The following NFS1 variants were observed in gnomAD, a reference collection of about 807,000 sequenced individuals.
NFS1 encodes cysteine desulfurase.
Under a neutral mutation model 57.3 loss-of-function variants are expected in NFS1, and 26 were observed. That is an observed-to-expected ratio of 0.45 (90% CI 0.33 to 0.63). The LOEUF (loss-of-function observed/expected upper bound fraction) is 0.63. NFS1 is among the 20% of genes least tolerant of loss of function. The pLI is 0.02. For missense variants in NFS1, 505 were observed against 605.8 expected (o/e 0.83, Z 1.75); for synonymous variants, 209 against 216.3 (o/e 0.97, Z 0.30).
At chr20:35,694,466 T>C (rs1435873790) in intron 4 of NFS1, 1 of 151,654 alleles carries the variant, frequency 6.6e-6, no homozygotes, top group Non-Finnish European at 1.5e-5. Context: ...TTATAAAAAA[T>C]AAACACATAA....
chr20:35,690,431 A>T lies in NFS1; in HGVS notation c.543T>A (p.Ser181Arg), dbSNP rs2035022866. 6.2e-7 allele frequency: 1 copy of T among 1,612,178 alleles called. No individual in the cohort carries two copies. The highest frequency in any genetic ancestry group is 8.5e-7 in the Non-Finnish European group (1 of 1,179,576). ...FQVTYLPVQKSGIIDLKELEA... is the reference protein window; with the variant it reads ...FQVTYLPVQKRGIIDLKELEA... ...CTCCTACCTTTAGGTCAATGATCCC[A>T]CTCTTCTGCACTGGGAGGTAGGTGA... The change falls in exon 5 of 13, where the codon AGT becomes AGA. Residue 181 changes from serine to arginine, a missense_variant. Transcript: ENST00000374092.
chr20:35,695,796 C>T (rs553023339), intron 4 of NFS1, among the ~76,000 whole-genome samples: 1 of 152,132 alleles, frequency 6.6e-6, no homozygotes, highest in Admixed American at 6.6e-5. Flanking sequence ...AATCCCAGCA[C>T]TTTGGGAGGT....
chr20:35,697,663 C>T (rs2035159920), intron 3 of NFS1, 21 bp downstream of exon 3: 3 of 1,564,588 alleles, frequency 1.9e-6, no homozygotes, highest in Non-Finnish European at 2.6e-6. Context: ...CTTAGAACCT[C>T]CTAGACTCCT....
At chr20:35,697,195 G>C (rs1360309383) in intron 3 of NFS1, among the ~76,000 whole-genome samples, 2 of 151,818 alleles carry the variant, frequency 1.3e-5, no homozygotes, top group Non-Finnish European at 2.9e-5. Context: ...TACTTGGGAG[G>C]CTGAGGCAGC....
At chr20:35,687,354 G>GTT (rs769011435) in intron 5 of NFS1, among the ~76,000 whole-genome samples, 25 of 152,186 alleles carry the variant, frequency 1.6e-4, no homozygotes, top group Admixed American at 1.3e-4. Context: ...TAGCAAATTA[G>GTT]TGAAAGTACT....
At chr20:35,683,576 C>T (rs2034886963) in intron 5 of NFS1, among the ~76,000 whole-genome samples, 1 of 151,602 alleles carries the variant, frequency 6.6e-6, no homozygotes, top group African/African-American at 2.4e-5. Context: ...GTCAAGAGAT[C>T]GAGACCATCC....
chr20:35,693,309 G>A (rs1176500291), intron 4 of NFS1, among the ~76,000 whole-genome samples: 1 of 151,882 alleles, frequency 6.6e-6, no homozygotes, highest in African/African-American at 2.4e-5. Context: ...TTTTGCCCAG[G>A]ATGGTCTCGA....
At chr20:35,680,574 CAAGT>C (rs569024164) in intron 7 of NFS1, among the ~76,000 whole-genome samples, 159 bp downstream of exon 7, 41 of 152,332 alleles carry the variant, frequency 2.7e-4, no homozygotes, top group Non-Finnish European at 4.4e-4. Flanking sequence ...TACAAACAAG[CAAGT>C]GTTTCTGGCT....
At chr20:35,679,631 AC>A (rs1276333725) in intron 7 of NFS1, among the ~76,000 whole-genome samples, 1 of 152,196 alleles carries the variant, frequency 6.6e-6, no homozygotes. Flanking sequence ...CAGAACGCTT[AC>A]TGGGCTTTTT....
In NFS1 at chr20:35,673,598, G is replaced by A; in HGVS notation, c.1220+3C>T. The A allele has an allele frequency of 6.2e-7, 1 of 1,612,472 alleles. No homozygotes were observed. The highest frequency in any genetic ancestry group is 8.5e-7 in the Non-Finnish European group (1 of 1,178,720). On this transcript the variant is annotated splice_donor_region_variant and intron_variant, in intron 11 of 12. Coordinates refer to ENST00000374092, the MANE Select transcript of NFS1 (RefSeq NM_021100.5). ...CATAAATGTTGCAGCTCAACTCACT[G>A]ACCTGATAGAAGAGTGCGCTAAATC...
At chr20:35,697,374 A>G (rs1335720654) in intron 3 of NFS1, among the ~76,000 whole-genome samples, 1 of 152,272 alleles carries the variant, frequency 6.6e-6, no homozygotes, top group East Asian at 1.9e-4. Flanking sequence ...TTGTGGTAAT[A>G]AACACTTTAT....
chr20:35,670,105 C>T (rs1230109631), intron 12 of NFS1, among the ~76,000 whole-genome samples: 1 of 152,214 alleles, frequency 6.6e-6, no homozygotes, highest in Admixed American at 6.5e-5. Context: ...CAGCTCGTTT[C>T]AGCCCACCAC....
At chr20:35,694,501 C>A (rs1291906662) in intron 4 of NFS1, 1 of 151,974 alleles carries the variant, frequency 6.6e-6, no homozygotes, top group African/African-American at 2.4e-5. Flanking sequence ...GAATATTAAA[C>A]CATATAGGAC....
chr20:35,689,237 C>A (rs2034997920), intron 5 of NFS1, among the ~76,000 whole-genome samples: 1 of 152,226 alleles, frequency 6.6e-6, no homozygotes, highest in East Asian at 1.9e-4. Context: ...CCTGTAATCC[C>A]AGCACTCTGG....
At position 35,674,454 on chromosome 20, in the gene NFS1, G is replaced by A. The variant is rs781550284; in HGVS notation, c.1055-23C>T. On this transcript the variant is annotated intron_variant, in intron 9 of 12. Coordinates refer to ENST00000374092, the MANE Select transcript of NFS1 (RefSeq NM_021100.5). ...AGCCTGGAGGAAAGAAATACTGTGA[G>A]AGAGGTCTCAGAGTCTCAGCCTCTA... 3.7e-6 allele frequency: 6 copies of A among 1,612,560 alleles called. No homozygotes were observed. The Admixed American group carries it at 1.0e-4, about 27-fold the overall frequency.
chr20:35,672,174 G>A (rs1481350988), intron 12 of NFS1, among the ~76,000 whole-genome samples: 1 of 151,938 alleles, frequency 6.6e-6, no homozygotes, highest in Non-Finnish European at 1.5e-5. Context: ...TAGCCAGGAT[G>A]GTCTCGATCT....
Position 35,672,848 on chromosome 20 carries a change from A to C in NFS1, c.1221-4T>G. 1 of 1,574,206 alleles carries C rather than the reference A, an allele frequency of 6.4e-7. No homozygotes were observed. On this transcript the variant is annotated splice_region_variant and splice_polypyrimidine_tract_variant and intron_variant, in intron 11 of 12. Coordinates refer to ENST00000374092, the MANE Select transcript of NFS1 (RefSeq NM_021100.5). ...AGTGAAGCGGCCAATTCCAAACCTG[A>C]AAAAAGGCACAGGAGAATGGCTCCC...
intron 5 of NFS1, among the ~76,000 whole-genome samples, chr20:35,688,743 GGGAGGGAGGAAA>G: frequency 6.7e-6 from 1 of 150,028 alleles, no homozygotes; most frequent in South Asian, 2.1e-4. Context: ...GAGAGAGAGA[GGGAGGGAGGAAA>G]AGAGGGAGGG....
chr20:35,684,760 T>A (rs956117032), intron 5 of NFS1, among the ~76,000 whole-genome samples: 4 of 151,302 alleles, frequency 2.6e-5, no homozygotes, highest in Non-Finnish European at 5.9e-5. Flanking sequence ...CAATAAAAAA[T>A]AAATAAAAAA....
Sources: allele counts gnomAD v4.1 joint callset (sites outside exome capture counted in the v4.1 genomes callset), GRCh38; gene constraint gnomAD v4.1.1; transcripts MANE v1.5; gene names NCBI Gene and HGNC (gene_info 2026-07-23, HGNC 2026-07-21).